ADGRL3: variants seen among roughly 807,000 people sequenced by gnomAD.
ADGRL3 encodes calcium-independent alpha-latrotoxin receptor 3.
ADGRL3 carries 62 observed loss-of-function variants against 153.5 expected under a neutral mutation model. That is an observed-to-expected ratio of 0.40 (90% CI 0.33 to 0.50). The LOEUF (loss-of-function observed/expected upper bound fraction) is 0.50, where lower values mean the gene tolerates loss of function less well. Ranked by LOEUF, ADGRL3 falls within the 20% of genes least tolerant of loss-of-function variation. The pLI is 0.47. For synonymous variants in ADGRL3, 710 were observed against 672.5 expected, an observed-to-expected ratio of 1.06 and a Z score of -0.86; for missense variants, 1,641 against 1,859.4, an observed-to-expected ratio of 0.88 and a Z score of 2.16.
chr4:61,544,130 G>A (rs1376200954), intron 4 of ADGRL3, among the ~76,000 whole-genome samples: 1 of 152,122 alleles, frequency 6.6e-6, no homozygotes, highest in Non-Finnish European at 1.5e-5. Flanking sequence ...ATACACATAG[G>A]TAACTTTACT....
intron 8 of ADGRL3, among the ~76,000 whole-genome samples, chr4:61,812,268 A>G (rs1174440696): frequency 6.6e-6 from 1 of 152,176 alleles, no homozygotes; most frequent in African/African-American, 2.4e-5. Flanking sequence ...CTTAGTTACC[A>G]TTATGAGGGA....
At chr4:61,482,983 G>C (rs2098147727) in intron 2 of ADGRL3, among the ~76,000 whole-genome samples, 1 of 152,048 alleles carries the variant, frequency 6.6e-6, no homozygotes, top group African/African-American at 2.4e-5. Context: ...CAAATAATTG[G>C]GATGAGTTCA....
At position 61,947,142 on chromosome 4, in the gene ADGRL3, G is replaced by C; in HGVS notation, c.2628+20G>C. Reference sequence around the variant, plus strand: ...ATCAAGGTAAGAAAATGGCATATTAGCTTGGTTGTTCATATTATCTGTATT... The same window carrying C: ...ATCAAGGTAAGAAAATGGCATATTACCTTGGTTGTTCATATTATCTGTATT... On this transcript the variant is annotated intron_variant, in intron 16 of 26. Transcript: ENST00000683033. 1.3e-6 allele frequency: 2 copies of C among 1,577,574 alleles called. No individual in the cohort carries two copies. The highest frequency in any genetic ancestry group is 1.7e-6 in the Non-Finnish European group (2 of 1,147,474).
intron 6 of ADGRL3, 58 bp downstream of exon 6, chr4:61,676,993 A>G (rs1317472782): frequency 9.6e-7 from 1 of 1,045,676 alleles, no homozygotes; most frequent in African/African-American, 1.6e-5. Flanking sequence ...TGTGTTTTGC[A>G]TGCATTGACA....
intron 5 of ADGRL3, among the ~76,000 whole-genome samples, chr4:61,647,283 C>G (rs1043802973): frequency 1.3e-5 from 2 of 152,086 alleles, no homozygotes; most frequent in African/African-American, 4.8e-5. Flanking sequence ...TTTTCCTATT[C>G]GGCCATCTTG....
chr4:61,249,835 A>G (rs971655269), intron 1 of ADGRL3, among the ~76,000 whole-genome samples: 5 of 152,176 alleles, frequency 3.3e-5, no homozygotes, highest in African/African-American at 1.2e-4. Context: ...TAGTTTTATG[A>G]GGATTAAGGG....
At chr4:61,614,261 T>A (rs189394239) in intron 5 of ADGRL3, among the ~76,000 whole-genome samples, 1 of 152,300 alleles carries the variant, frequency 6.6e-6, no homozygotes, top group Admixed American at 6.5e-5. Context: ...ACATTGAGAA[T>A]CACCTCAAAA....
At chr4:61,686,564 C>T (rs2095447667) in intron 6 of ADGRL3, among the ~76,000 whole-genome samples, 1 of 152,050 alleles carries the variant, frequency 6.6e-6, no homozygotes, top group Non-Finnish European at 1.5e-5. Context: ...CATTTTTATA[C>T]ACCTATACGT....
intron 4 of ADGRL3, among the ~76,000 whole-genome samples, chr4:61,576,958 G>A (rs889163131): frequency 1.3e-5 from 2 of 151,932 alleles, no homozygotes; most frequent in African/African-American, 4.8e-5. Flanking sequence ...GATAATGGAT[G>A]TATAAATATT....
chr4:61,595,954 T>C (rs1416136590), intron 5 of ADGRL3, among the ~76,000 whole-genome samples: 1 of 152,110 alleles, frequency 6.6e-6, no homozygotes, highest in Non-Finnish European at 1.5e-5. Flanking sequence ...GAATTCAATG[T>C]AAAGTTTCTC....
chr4:61,295,135 A>T (rs2094363185), intron 1 of ADGRL3, among the ~76,000 whole-genome samples: 1 of 152,064 alleles, frequency 6.6e-6, no homozygotes, highest in African/African-American at 2.4e-5. Flanking sequence ...TTTGTCGAGT[A>T]TCTCTAAGCT....
chr4:61,255,103 T>A (rs2149485987), intron 1 of ADGRL3, among the ~76,000 whole-genome samples: 1 of 152,308 alleles, frequency 6.6e-6, no homozygotes, highest in African/African-American at 2.4e-5. Context: ...TTGCTATGGC[T>A]GACATTAGAA....
chr4:61,681,965 A>G (rs950937251), intron 6 of ADGRL3, among the ~76,000 whole-genome samples: 5 of 152,042 alleles, frequency 3.3e-5, no homozygotes, highest in Non-Finnish European at 7.4e-5. Flanking sequence ...ATATGTATTG[A>G]AGGACTGGAA....
chr4:61,295,955 A>C (rs796640112), intron 1 of ADGRL3, among the ~76,000 whole-genome samples: 8 of 152,292 alleles, frequency 5.3e-5, no homozygotes, highest in African/African-American at 1.9e-4. Flanking sequence ...CCTGTCTCAA[A>C]AAATTAAAGC....
At chr4:61,635,290 C>T (rs1469628945) in intron 5 of ADGRL3, among the ~76,000 whole-genome samples, 3 of 152,094 alleles carry the variant, frequency 2.0e-5, no homozygotes. Flanking sequence ...CTGAGAGAAG[C>T]CCCACAGATA....
intron 1 of ADGRL3, among the ~76,000 whole-genome samples, chr4:61,346,426 T>C (rs1410798025): frequency 6.6e-6 from 1 of 151,586 alleles, no homozygotes. Context: ...AGTTTGAGAT[T>C]TCAGTAATCT....
chr4:61,524,237 A>G (rs1339790635), intron 4 of ADGRL3, among the ~76,000 whole-genome samples: 1 of 152,096 alleles, frequency 6.6e-6, no homozygotes, highest in Non-Finnish European at 1.5e-5. Flanking sequence ...CACAAAATTC[A>G]GGTGAAAAGA....
chr4:61,331,331 T>G (rs2150969920), intron 1 of ADGRL3, among the ~76,000 whole-genome samples: 1 of 152,314 alleles, frequency 6.6e-6, no homozygotes, highest in South Asian at 2.1e-4. Flanking sequence ...TTTCCTGAAA[T>G]ACTTTTGTCC....
intron 1 of ADGRL3, among the ~76,000 whole-genome samples, chr4:61,359,784 C>G: frequency 6.6e-6 from 1 of 152,092 alleles, no homozygotes; most frequent in East Asian, 1.9e-4. Flanking sequence ...TTGTTCATTG[C>G]TTTATTCCCA....
Sources: allele counts gnomAD v4.1 joint callset (sites outside exome capture counted in the v4.1 genomes callset), GRCh38; gene constraint gnomAD v4.1.1; transcripts MANE v1.5; gene names NCBI Gene and HGNC (gene_info 2026-07-23, HGNC 2026-07-21).